Variants in CSMD3 observed in about 807,000 individuals in gnomAD.
The protein encoded by CSMD3 is CUB and Sushi multiple domains 3.
CSMD3 carries 177 observed loss-of-function variants against 435.2 expected under a neutral mutation model. The observed-to-expected ratio is 0.41, with a 90% CI of 0.36 to 0.46. CSMD3 has a LOEUF of 0.46. Ranked by LOEUF, CSMD3 falls within the 20% of genes least tolerant of loss-of-function variation. The pLI is 0.34. For missense variants in CSMD3, 4,265 were observed against 4,504.6 expected (o/e 0.95, Z 1.52); for synonymous variants, 1,656 against 1,520.5 (o/e 1.09, Z -2.07).
rs561330777 is a variant in CSMD3 at position 112,263,542 on chromosome 8, C to A, written c.9862+97G>T. On this transcript the variant is annotated intron_variant, in intron 61 of 70. Coordinates refer to ENST00000297405, the MANE Select transcript of CSMD3 (RefSeq NM_198123.2). ...TGGTAAATACTGATTTTTCTTTGAA[C>A]CCTAATTAGGCATTGAAGGAAGCTT... The A allele has an allele frequency of 6.6e-5, 61 of 929,892 alleles. No homozygotes were observed. In the African/African-American group the frequency reaches 9.0e-4, roughly 14 times the overall value. 57.6% of individuals were successfully genotyped at this position (929,892 alleles called of 1,614,324 possible). A position where few individuals can be genotyped will look rare whatever the true frequency, so the allele number is the denominator to read the frequency against.
At chr8:113,289,200 G>A (rs2093667000) in intron 2 of CSMD3, among the ~76,000 whole-genome samples, 1 of 151,736 alleles carries the variant, frequency 6.6e-6, no homozygotes, top group East Asian at 1.9e-4. Flanking sequence ...ACAATGCCAA[G>A]CATTTAGCAA....
chr8:112,304,060 A>G (rs544257711), intron 52 of CSMD3, among the ~76,000 whole-genome samples: 1 of 152,290 alleles, frequency 6.6e-6, no homozygotes, highest in South Asian at 2.1e-4. Flanking sequence ...GATACTGGCC[A>G]TTTATATTAT....
At chr8:112,918,739 A>G (rs1341189101) in intron 10 of CSMD3, among the ~76,000 whole-genome samples, 1 of 151,968 alleles carries the variant, frequency 6.6e-6, no homozygotes, top group African/African-American at 2.4e-5. Context: ...ATATTAATTT[A>G]TAAACTGCTC....
At chr8:112,762,273 T>C (rs1245815477) in intron 13 of CSMD3, among the ~76,000 whole-genome samples, 2 of 151,952 alleles carry the variant, frequency 1.3e-5, no homozygotes, top group East Asian at 1.9e-4. Context: ...TCTTTACCCA[T>C]ATTGGGAAAA....
intron 5 of CSMD3, among the ~76,000 whole-genome samples, chr8:113,053,768 T>C (rs1432460454): frequency 1.3e-5 from 2 of 152,172 alleles, no homozygotes; most frequent in African/African-American, 2.4e-5. Flanking sequence ...TATCATTTCA[T>C]GGAACTAATG....
chr8:112,755,048 C>A (rs539448616), intron 13 of CSMD3, among the ~76,000 whole-genome samples: 1 of 152,056 alleles, frequency 6.6e-6, no homozygotes, highest in African/African-American at 2.4e-5. Context: ...ATAATGAGGG[C>A]GGGCCAGGCG....
chr8:113,159,523 A>AT (rs1284684091), intron 4 of CSMD3, among the ~76,000 whole-genome samples: 1 of 151,844 alleles, frequency 6.6e-6, no homozygotes, highest in Non-Finnish European at 1.5e-5. Flanking sequence ...GCCCATCTGC[A>AT]TTTTTCTGAA....
chr8:112,525,834 T>A (rs1365003187), intron 27 of CSMD3, among the ~76,000 whole-genome samples: 2 of 138,308 alleles, frequency 1.4e-5, no homozygotes, highest in Admixed American at 7.4e-5. Flanking sequence ...AAAATATATA[T>A]ATATATATAC....
chr8:112,947,974 A>T lies in CSMD3; in HGVS notation c.1421-97T>A, dbSNP rs940954270. ...AAATATACATAAAATGTATTATTGT[A>T]TTTTGTCACTATAATCACTGTCATT... On this transcript the variant is annotated intron_variant, in intron 8 of 70. Coordinates refer to ENST00000297405, the MANE Select transcript of CSMD3 (RefSeq NM_198123.2). The T allele has an allele frequency of 1.1e-5, 7 of 651,216 alleles. No individual in the cohort carries two copies. The African/African-American group carries it at 1.3e-4, about 12-fold the overall frequency. 40.3% of individuals were successfully genotyped at this position (651,216 alleles called of 1,614,324 possible).
chr8:112,383,588 G>C lies in CSMD3; in HGVS notation c.6010C>G (p.Pro2004Ala), dbSNP rs763889329. Residue 2004 changes from proline to alanine, a missense_variant, in exon 37 of 71, where the codon CCA becomes GCA. Coordinates refer to ENST00000297405, the MANE Select transcript of CSMD3 (RefSeq NM_198123.2). ...DFYDGGDNNA[P>A]RLGSYSGTTI... ...TTACCTGAATAGCTTCCAAGTCTTG[G>C]AGCATTGTTGTCTCCCCCATCATAA... 5 of 1,589,862 alleles carry C rather than the reference G, an allele frequency of 3.1e-6. No individual in the cohort carries two copies. In the East Asian group the frequency reaches 1.1e-4, roughly 36 times the overall value.
At chr8:113,339,466 A>C (rs2094102429) in intron 1 of CSMD3, among the ~76,000 whole-genome samples, 1 of 151,988 alleles carries the variant, frequency 6.6e-6, no homozygotes, top group Admixed American at 6.5e-5. Context: ...AAGTTATTTT[A>C]TTTTCTTCAG....
chr8:112,669,611 T>A (rs188662407), intron 16 of CSMD3, among the ~76,000 whole-genome samples: 1 of 152,278 alleles, frequency 6.6e-6, no homozygotes, highest in East Asian at 1.9e-4. Flanking sequence ...AAGAAAAATT[T>A]GGAATATACA....
At chr8:112,408,708 C>G (rs1184309062) in intron 33 of CSMD3, among the ~76,000 whole-genome samples, 1 of 151,624 alleles carries the variant, frequency 6.6e-6, no homozygotes, top group African/African-American at 2.4e-5. Flanking sequence ...ATATTATTTA[C>G]TTGGTTACAA....
At chr8:113,151,198 T>C (rs1460212694) in intron 4 of CSMD3, among the ~76,000 whole-genome samples, 1 of 151,990 alleles carries the variant, frequency 6.6e-6, no homozygotes, top group Non-Finnish European at 1.5e-5. Flanking sequence ...CAATACCACA[T>C]TCACTTTTCT....
chr8:112,653,355 AT>A (rs2075177849), intron 18 of CSMD3, among the ~76,000 whole-genome samples: 2 of 152,126 alleles, frequency 1.3e-5, no homozygotes, highest in African/African-American at 4.8e-5. Flanking sequence ...TAAATTGTGC[AT>A]TCTTTTAGAT....
At chr8:113,063,349 G>C (rs1244623186) in intron 5 of CSMD3, among the ~76,000 whole-genome samples, 1 of 151,560 alleles carries the variant, frequency 6.6e-6, no homozygotes, top group Non-Finnish European at 1.5e-5. Flanking sequence ...TTTATCCAAA[G>C]GTATCCTCAC....
chr8:112,755,336 A>ATAATAG (rs2077669807), intron 13 of CSMD3, among the ~76,000 whole-genome samples: 1 of 113,820 alleles, frequency 8.8e-6, no homozygotes, highest in African/African-American at 4.1e-5. Context: ...GTCTCAAATA[A>ATAATAG]TAATAATAAT....
At chr8:112,765,952 T>C (rs1309137908) in intron 13 of CSMD3, among the ~76,000 whole-genome samples, 1 of 151,754 alleles carries the variant, frequency 6.6e-6, no homozygotes, top group African/African-American at 2.4e-5. Flanking sequence ...TTTGGACCAC[T>C]AACTTTTCCC....
chr8:113,434,861 G>C (rs1299541555), intron 1 of CSMD3, among the ~76,000 whole-genome samples: 1 of 152,136 alleles, frequency 6.6e-6, no homozygotes, highest in Non-Finnish European at 1.5e-5. Flanking sequence ...TGCTCGCCCC[G>C]CTTCGGAGAC....
Sources: allele counts gnomAD v4.1 joint callset (sites outside exome capture counted in the v4.1 genomes callset), GRCh38; gene constraint gnomAD v4.1.1; transcripts MANE v1.5; gene names NCBI Gene and HGNC (gene_info 2026-07-23, HGNC 2026-07-21).